RIGI: variants seen among roughly 807,000 people sequenced by gnomAD.
The protein encoded by RIGI is RNA sensor RIG-I.
the RIGI span, among the ~76,000 whole-genome samples, chr9:32,485,872 T>G: frequency 6.6e-6 from 1 of 151,972 alleles, no homozygotes; most frequent in Non-Finnish European, 1.5e-5. Context: ...TCCTGTTACC[T>G]CCTCTCTGAT....
At chr9:32,500,961 A>C in the RIGI span, 1 of 1,611,288 alleles carries the variant, frequency 6.2e-7, no homozygotes, top group Non-Finnish European at 8.5e-7. Flanking sequence ...AGCAAAAATG[A>C]CTCATCAAAC....
the RIGI span, among the ~76,000 whole-genome samples, chr9:32,525,371 C>A: frequency 6.6e-6 from 1 of 152,240 alleles, no homozygotes; most frequent in Non-Finnish European, 1.5e-5. Context: ...TGAGGGACCA[C>A]GCCCGGCCTC....
At chr9:32,465,651 ACTGATAGAACT>A in the RIGI span, among the ~76,000 whole-genome samples, 3 of 152,206 alleles carry the variant, frequency 2.0e-5, no homozygotes, top group African/African-American at 7.2e-5. Context: ...ACATCTTGCA[ACTGATAGAACT>A]GGGATTTGAA....
At chr9:32,455,565 A>G in the RIGI span, 1 of 152,168 alleles carries the variant, frequency 6.6e-6, no homozygotes, top group Admixed American at 6.5e-5. Flanking sequence ...CCCTTGACAC[A>G]TGGGGATTAT....
the RIGI span, among the ~76,000 whole-genome samples, chr9:32,504,840 A>T: frequency 1.1e-3 from 139 of 127,400 alleles, no homozygotes; most frequent in African/African-American, 4.2e-3. Flanking sequence ...AAATATATAA[A>T]ATATATTTAA....
the RIGI span, chr9:32,492,458 G>C: frequency 6.2e-7 from 1 of 1,614,066 alleles, no homozygotes; most frequent in Non-Finnish European, 8.5e-7. Context: ...TCAAAGTTTT[G>C]GGCCAGTTTT....
At chr9:32,476,063 A>G in the RIGI span, among the ~76,000 whole-genome samples, 5 of 152,264 alleles carry the variant, frequency 3.3e-5, no homozygotes, top group East Asian at 5.8e-4. Context: ...AACAAGCAGA[A>G]GAAAGATGTT....
chr9:32,471,542 A>G, the RIGI span, among the ~76,000 whole-genome samples: 1 of 152,240 alleles, frequency 6.6e-6, no homozygotes, highest in Non-Finnish European at 1.5e-5. Context: ...ATAAATAAGA[A>G]GCTATAATTG....
chr9:32,500,751 T>C, the RIGI span: 3 of 1,580,742 alleles, frequency 1.9e-6, no homozygotes, highest in East Asian at 4.5e-5. Flanking sequence ...TTTACAGTAT[T>C]GTCAAGCAGC....
At chr9:32,469,477 A>T in the RIGI span, among the ~76,000 whole-genome samples, 1 of 152,186 alleles carries the variant, frequency 6.6e-6, no homozygotes, top group African/African-American at 2.4e-5. Context: ...GCAATCTGTA[A>T]AGGGAAAACT....
chr9:32,511,894 G>C, the RIGI span, among the ~76,000 whole-genome samples: 2 of 151,968 alleles, frequency 1.3e-5, no homozygotes, highest in Non-Finnish European at 2.9e-5. Flanking sequence ...AATAATAAAG[G>C]GGATGTCACC....
chr9:32,511,264 C>T, the RIGI span, among the ~76,000 whole-genome samples: 1 of 152,124 alleles, frequency 6.6e-6, no homozygotes, highest in African/African-American at 2.4e-5. Flanking sequence ...ACTCTCCACC[C>T]CAGATGAATA....
chr9:32,525,857 C>T, the RIGI span, among the ~76,000 whole-genome samples: 1 of 152,316 alleles, frequency 6.6e-6, no homozygotes, highest in African/African-American at 2.4e-5. Context: ...GTCACTTCAC[C>T]TCGCTGGAAC....
At chr9:32,522,807 T>C in the RIGI span, among the ~76,000 whole-genome samples, 4 of 152,130 alleles carry the variant, frequency 2.6e-5, no homozygotes, top group African/African-American at 9.7e-5. Flanking sequence ...GATCCAGGAA[T>C]TGATAAATAG....
chr9:32,501,015 C>A, the RIGI span: 4 of 1,517,910 alleles, frequency 2.6e-6, no homozygotes, highest in Non-Finnish European at 2.7e-6. Flanking sequence ...AAAAGGATCA[C>A]CAGACCTTCC....
chr9:32,485,355 G>T, the RIGI span: 1 of 1,064,268 alleles, frequency 9.4e-7, no homozygotes, highest in Non-Finnish European at 1.4e-6. Context: ...GTAGTTCAAA[G>T]TAGGTATCTC....
At chr9:32,466,327 C>A in the RIGI span, 2 of 1,613,834 alleles carry the variant, frequency 1.2e-6, no homozygotes, top group Non-Finnish European at 1.7e-6. Context: ...TGTCTGAAGG[C>A]GTAAAATAGA....
the RIGI span, among the ~76,000 whole-genome samples, chr9:32,497,193 T>C: frequency 6.6e-6 from 1 of 152,168 alleles, no homozygotes; most frequent in Non-Finnish European, 1.5e-5. Context: ...TTCCATTTAT[T>C]TGTGTTATCT....
the RIGI span, among the ~76,000 whole-genome samples, chr9:32,464,499 C>G: frequency 6.6e-6 from 1 of 152,132 alleles, no homozygotes; most frequent in African/African-American, 2.4e-5. Context: ...ACGCCATTCT[C>G]CTGCCTCAGC....
Sources: gnomAD v4.1 joint callset for allele counts (sites outside exome capture counted in the v4.1 genomes callset) on GRCh38, gnomAD v4.1.1 for gene constraint, MANE v1.5 for transcripts, NCBI Gene and HGNC (gene_info 2026-07-23, HGNC 2026-07-21) for gene names.